C8orf34: variants seen among roughly 807,000 people sequenced by gnomAD.
The protein encoded by C8orf34 is uncharacterized protein C8orf34.
C8orf34 carries 65 observed loss-of-function variants against 68.3 expected under a neutral mutation model. The ratio of observed to expected loss-of-function variants is 0.95; its 90% CI spans 0.78 to 1.17. The LOEUF is 1.17. Ranked by LOEUF, C8orf34 falls within the 50% of genes most tolerant of loss-of-function variation. C8orf34 has a pLI of 0.00. For synonymous variants in C8orf34, 244 were observed against 241.2 expected (o/e 1.01, Z -0.11); for missense variants, 664 against 655.4 (o/e 1.01, Z -0.14).
At chr8:68,464,140 C>A (rs928446508) in intron 3 of C8orf34, among the ~76,000 whole-genome samples, 1 of 152,148 alleles carries the variant, frequency 6.6e-6, no homozygotes, top group Non-Finnish European at 1.5e-5. Flanking sequence ...CATTCTTATA[C>A]ACCAATAACA....
chr8:68,655,356 A>T (rs1819481964), intron 8 of C8orf34, among the ~76,000 whole-genome samples: 1 of 152,212 alleles, frequency 6.6e-6, no homozygotes, highest in Admixed American at 6.5e-5. Flanking sequence ...GTTTTAGTAT[A>T]AAATATTAAC....
intron 1 of C8orf34, among the ~76,000 whole-genome samples, chr8:68,339,479 T>C (rs1171287206): frequency 8.2e-6 from 1 of 122,674 alleles, no homozygotes; most frequent in African/African-American, 2.8e-5. Context: ...CTAAAAAGTA[T>C]AAAAACTCTT....
At chr8:68,723,568 A>G (rs1211021328) in intron 10 of C8orf34, among the ~76,000 whole-genome samples, 1 of 152,106 alleles carries the variant, frequency 6.6e-6, no homozygotes, top group Non-Finnish European at 1.5e-5. Context: ...ATGTTCTGCC[A>G]TTTATAAACT....
At chr8:68,493,124 C>G (rs1813384061) in intron 5 of C8orf34, among the ~76,000 whole-genome samples, 1 of 152,146 alleles carries the variant, frequency 6.6e-6, no homozygotes, top group Non-Finnish European at 1.5e-5. Context: ...TGGAGGATCA[C>G]TATAACCTCC....
chr8:68,463,552 G>A (rs1811953097), intron 3 of C8orf34, among the ~76,000 whole-genome samples: 1 of 152,106 alleles, frequency 6.6e-6, no homozygotes, highest in African/African-American at 2.4e-5. Flanking sequence ...ATAAAATACT[G>A]GCAAACTGAA....
chr8:68,774,705 A>C (rs6983604), intron 10 of C8orf34, among the ~76,000 whole-genome samples: 74,677 of 151,274 alleles, frequency 0.49, 20,895 homozygotes, highest in African/African-American at 0.76. Context: ...AGCATGCCTC[A>C]TGTTTTCCCC....
intron 7 of C8orf34, among the ~76,000 whole-genome samples, chr8:68,633,627 T>G (rs1168558005): frequency 2.6e-5 from 4 of 152,228 alleles, no homozygotes; most frequent in African/African-American, 4.8e-5. Flanking sequence ...GCTTACCAAA[T>G]TTCTTCTTAA....
At chr8:68,358,165 G>A (rs1025260911) in intron 1 of C8orf34, among the ~76,000 whole-genome samples, 1 of 152,086 alleles carries the variant, frequency 6.6e-6, no homozygotes, top group East Asian at 1.9e-4. Context: ...TACATTATGA[G>A]CTATAATCTG....
At chr8:68,718,430 G>C (rs1821538966) in intron 9 of C8orf34, among the ~76,000 whole-genome samples, 1 of 152,150 alleles carries the variant, frequency 6.6e-6, no homozygotes, top group Non-Finnish European at 1.5e-5. Flanking sequence ...ATGTGTTGCA[G>C]ATTATACTTT....
At chr8:68,637,796 G>T (rs1818889552) in intron 7 of C8orf34, among the ~76,000 whole-genome samples, 1 of 152,166 alleles carries the variant, frequency 6.6e-6, no homozygotes, top group Non-Finnish European at 1.5e-5. Context: ...AAGTGGAAAT[G>T]CTTTGGCTTT....
intron 8 of C8orf34, among the ~76,000 whole-genome samples, chr8:68,659,517 A>G (rs1480661385): frequency 6.6e-6 from 1 of 152,186 alleles, no homozygotes; most frequent in East Asian, 1.9e-4. Context: ...AGTGTATTTT[A>G]TATCATACTC....
chr8:68,646,960 T>C (rs1304356536), intron 8 of C8orf34, among the ~76,000 whole-genome samples: 1 of 152,142 alleles, frequency 6.6e-6, no homozygotes, highest in Non-Finnish European at 1.5e-5. Flanking sequence ...ATGCTGTTTT[T>C]AATTCTAAAG....
At chr8:68,665,857 C>T (rs536554863) in intron 8 of C8orf34, among the ~76,000 whole-genome samples, 13 of 152,218 alleles carry the variant, frequency 8.5e-5, no homozygotes, top group East Asian at 3.9e-4. Context: ...TGGATCTCCC[C>T]GCTGCTAGAA....
intron 9 of C8orf34, among the ~76,000 whole-genome samples, chr8:68,712,006 C>T (rs1821342201): frequency 6.6e-6 from 1 of 152,224 alleles, no homozygotes; most frequent in South Asian, 2.1e-4. Flanking sequence ...AACCCTACAA[C>T]CCAGAAGGGA....
intron 1 of C8orf34, among the ~76,000 whole-genome samples, chr8:68,361,838 T>C (rs1161659505): frequency 6.6e-6 from 1 of 152,236 alleles, no homozygotes; most frequent in Non-Finnish European, 1.5e-5. Context: ...GTGAAATAAT[T>C]TTTGTTTTGT....
intron 4 of C8orf34, among the ~76,000 whole-genome samples, chr8:68,473,404 C>T (rs1283603856): frequency 2.0e-5 from 3 of 152,158 alleles, no homozygotes; most frequent in African/African-American, 7.2e-5. Context: ...AGGCTTTCCA[C>T]TTGGCAGGTG....
At chr8:68,742,764 G>GTTAT (rs111514701) in intron 10 of C8orf34, among the ~76,000 whole-genome samples, 28 of 151,492 alleles carry the variant, frequency 1.8e-4, no homozygotes, top group Non-Finnish European at 3.7e-4. Flanking sequence ...TCACTAATGA[G>GTTAT]TTAATTCATT....
chr8:68,493,615 T>C (rs1049068410), intron 5 of C8orf34, among the ~76,000 whole-genome samples: 16 of 152,238 alleles, frequency 1.1e-4, no homozygotes, highest in Non-Finnish European at 1.8e-4. Flanking sequence ...TCTGTTATGG[T>C]TTGAATGTTT....
chr8:68,330,998 C>T lies in C8orf34; in HGVS notation c.-15C>T, dbSNP rs2129617570. On this transcript the variant is annotated 5_prime_UTR_variant, in exon 1 of 14. Coordinates refer to ENST00000518698, the MANE Select transcript of C8orf34 (RefSeq NM_052958.4). ...GAGAGCGGCGAGGGTGGGCGCGAGG[C>T]GGAGAACGCGATGAATGAGTTCTCC... 2.2e-6 allele frequency: 3 copies of T among 1,390,534 alleles called. No individual in the cohort carries two copies. Among genetic ancestry groups the T allele is most frequent in the African/African-American group, 3.1e-5 (2 of 65,458 alleles). 86.1% of individuals were successfully genotyped at this position (1,390,534 alleles called of 1,614,324 possible). A position where few individuals can be genotyped will look rare whatever the true frequency, so the allele number is the denominator to read the frequency against.
Sources: gnomAD v4.1 joint callset for allele counts (sites outside exome capture counted in the v4.1 genomes callset) on GRCh38, gnomAD v4.1.1 for gene constraint, MANE v1.5 for transcripts, NCBI Gene and HGNC (gene_info 2026-07-23, HGNC 2026-07-21) for gene names.